The following DDX3X variants were observed in gnomAD, a reference collection of about 807,000 sequenced individuals.
DDX3X encodes the protein ATP-dependent RNA helicase DDX3X.
In DDX3X, 4 loss-of-function variants were observed where a neutral mutation model predicts 52.7. The ratio of observed to expected loss-of-function variants is 0.08; its 90% CI spans 0.04 to 0.17. DDX3X has a LOEUF of 0.17. Among genes scored for constraint, DDX3X ranks in the 10% least tolerant of loss-of-function variants. The probability of loss-of-function intolerance (pLI) is 1.00; values close to 1 mark genes in which losing one functional copy is unlikely to be tolerated. For missense variants in DDX3X, 222 were observed against 548.6 expected, an observed-to-expected ratio of 0.40 and a Z score of 5.95; for synonymous variants, 192 against 178.1, an observed-to-expected ratio of 1.08 and a Z score of -0.62.
chrX:41,346,699 A>G (rs1474554519), intron 14 of DDX3X, 77 bp downstream of exon 14: 2 of 963,665 alleles, frequency 2.1e-6, no homozygotes, highest in Non-Finnish European at 2.9e-6. Context: ...AGGATCTAAA[A>G]TACATTTTTA....
chrX:41,338,957 C>T (rs770102368), intron 2 of DDX3X, 79 bp from the exon 3 acceptor site: 1 of 399,757 alleles, frequency 2.5e-6, no homozygotes, highest in African/African-American at 2.8e-5. Context: ...TTTCCCAGAA[C>T]CATTTTTTAG....
At chrX:41,334,032 G>A, upstream of DDX3X, 1 of 426,594 alleles carries the variant, frequency 2.3e-6, no homozygotes, top group Non-Finnish European at 4.2e-6. Context: ...ACCTGAGGGA[G>A]CGCGCAGTAG....
intron 15 of DDX3X, 144 bp downstream of exon 15, chrX:41,347,156 G>GGGTTGTA: frequency 1.1e-6 from 1 of 908,063 alleles, no homozygotes; most frequent in South Asian, 2.5e-5. Flanking sequence ...CTTTGGTAAG[G>GGGTTGTA]GGTTGTATTA....
In DDX3X at chrX:41,342,489, G is replaced by A; in HGVS notation, c.285-6G>A. The A allele has an allele frequency of 8.3e-7, 1 of 1,210,844 alleles. No homozygotes were observed. The highest frequency in any genetic ancestry group is 1.1e-6 in the Non-Finnish European group (1 of 894,755). The stretch of plus-strand genomic sequence containing the variant: ...ATGATTCTGATTAATTGCTTGTGCT[G>A]TTCAGGTTTGATGATCGTGGACGGA... On this transcript the variant is annotated splice_polypyrimidine_tract_variant and splice_region_variant and intron_variant, in intron 4 of 16. Transcript: ENST00000644876.
At chrX:41,346,835 A>G in intron 14 of DDX3X, 24 bp from the exon 15 acceptor site, 2 of 1,180,734 alleles carry the variant, frequency 1.7e-6, no homozygotes, top group Non-Finnish European at 2.3e-6. Flanking sequence ...CTTTGTTTAT[A>G]TACTTTTTTG....
chrX:41,342,399 C>T (rs955536138), intron 4 of DDX3X, 96 bp from the exon 5 acceptor site: 83 of 977,342 alleles, frequency 8.5e-5, no homozygotes, highest in Non-Finnish European at 1.1e-4. Context: ...TTATGGTTAG[C>T]CATAACTTAA....
chrX:41,342,464 A>C, intron 4 of DDX3X, 31 bp from the exon 5 acceptor site: 1 of 1,203,054 alleles, frequency 8.3e-7, no homozygotes, highest in Middle Eastern at 2.3e-4. Context: ...GTTAAATGAT[A>C]TGATTCTGAT....
chrX:41,334,278 C>A lies in DDX3X; in HGVS notation c.26C>A (p.Ala9Glu). Residue 9 changes from alanine (A) to glutamate (E), a missense_variant, in exon 1 of 17, where the codon GCG (alanine) becomes GAG (glutamate). Physicochemically the swap from Ala to Glu is moderately radical, Grantham distance 107. Coordinates refer to ENST00000644876, the MANE Select transcript of DDX3X (RefSeq NM_001356.5). The part of the protein sequence containing the change: MSHVAVEN[A>E]LGLDQQFAGL... ...ATGAGTCATGTGGCAGTGGAAAATG[C>A]GCTCGGGCTGGACCAGCAGGTGAGC... is the stretch of plus-strand genomic sequence containing the variant. 8.3e-7 allele frequency: 1 copy of A among 1,210,932 alleles called. No individual in the cohort carries two copies. The highest frequency in any genetic ancestry group is 1.1e-6 in the Non-Finnish European group (1 of 894,866).
chrX:41,338,308 T>A (rs2063799807), intron 2 of DDX3X: 1 of 111,813 alleles, frequency 8.9e-6, no homozygotes, highest in Non-Finnish European at 1.9e-5. Flanking sequence ...TGGTGTTTGC[T>A]TTAACTTTCA....
At chrX:41,346,433 T>C (rs1477376547) in intron 13 of DDX3X, 23 bp downstream of exon 13, 1 of 1,201,612 alleles carries the variant, frequency 8.3e-7, no homozygotes, top group Admixed American at 2.2e-5. Flanking sequence ...ATCTTTCTTT[T>C]ATTCAAATTG....
intron 6 of DDX3X, 128 bp from the exon 7 acceptor site, chrX:41,343,088 T>A (rs192995367): frequency 2.4e-6 from 2 of 838,702 alleles, no homozygotes; most frequent in East Asian, 6.8e-5. Flanking sequence ...TCTCAAAGTA[T>A]AATGTGATAA....
At chrX:41,355,649 T>C (rs1258931290) in intron 5 of DDX3X, among the ~76,000 whole-genome samples, 14 of 102,401 alleles carry the variant, frequency 1.4e-4, no homozygotes, top group Admixed American at 1.1e-3. Context: ...CTTTTTCTTT[T>C]TTTTTTTTTT....
chrX:41,350,436 G>A (rs923706971), downstream of DDX3X: 1 of 111,845 alleles, frequency 8.9e-6, no homozygotes, highest in Admixed American at 9.5e-5. Context: ...AATCTAAAAG[G>A]CCCTTACTGA....
At chrX:41,344,582 C>T (rs2063897751) in intron 10 of DDX3X, 183 bp downstream of exon 10, 1 of 504,408 alleles carries the variant, frequency 2.0e-6, no homozygotes, top group African/African-American at 2.4e-5. Context: ...GGATTACAGG[C>T]ATGTGCCACC....
chrX:41,352,731 C>A (rs1248926743), downstream of DDX3X, among the ~76,000 whole-genome samples: 1 of 111,590 alleles, frequency 9.0e-6, no homozygotes, highest in Non-Finnish European at 1.9e-5. Flanking sequence ...TAACAGGATC[C>A]TCCACCTCTG....
At chrX:41,343,184 A>C (rs750715499) in intron 6 of DDX3X, 32 bp from the exon 7 acceptor site, 2 of 1,190,793 alleles carry the variant, frequency 1.7e-6, no homozygotes, top group Non-Finnish European at 2.3e-6. Flanking sequence ...AGCTCTAGAT[A>C]GCATTCCTAA....
rs746213025 is a variant in DDX3X, at chrX:41,342,788, C to T, written c.495C>T (p.Asp165=). The T allele has an allele frequency of 8.3e-7, 1 of 1,211,530 alleles. No individual in the cohort carries two copies. Among genetic ancestry groups the T allele is most frequent in the Non-Finnish European group, 1.1e-6 (1 of 895,173 alleles). ...GGATTAATTTTGAGAAATACGATGA[C>T]ATTCCAGTTGAGGCAACAGGCAACA... The part of the protein sequence containing the change: ...NTGINFEKYD[D]IPVEATGNNC... Residue 165 remains aspartate (D), a synonymous_variant, in exon 6 of 17, where the codon GAC becomes GAT. Coordinates refer to ENST00000644876, the MANE Select transcript of DDX3X (RefSeq NM_001356.5).
chrX:41,334,309 G>A lies in DDX3X; in HGVS notation c.45+12G>A, dbSNP rs766017478. ...GGCTGGACCAGCAGGTGAGCCGCAA[G>A]AACCCCACCGGGCTGGCTGCTGCGT... is the stretch of plus-strand genomic sequence containing the variant. On this transcript the variant is annotated intron_variant, in intron 1 of 16. Transcript: ENST00000644876. 5.0e-6 allele frequency: 6 copies of A among 1,210,233 alleles called. No homozygotes were observed. The highest frequency in any genetic ancestry group is 6.7e-6 in the Non-Finnish European group (6 of 894,447).
upstream of DDX3X, chrX:41,334,000 G>GT (rs1209269569): frequency 5.2e-6 from 2 of 381,576 alleles, no homozygotes; most frequent in Non-Finnish European, 9.2e-6. Context: ...ACAGGACTAA[G>GT]TAGGAAATCC....
Sources: allele counts gnomAD v4.1 joint callset (sites outside exome capture counted in the v4.1 genomes callset), GRCh38; gene constraint gnomAD v4.1.1; transcripts MANE v1.5; gene names NCBI Gene and HGNC (gene_info 2026-07-23, HGNC 2026-07-21).